CFAP54: variants seen among roughly 807,000 people sequenced by gnomAD.
The protein encoded by CFAP54 is cilia- and flagella-associated protein 54.
A neutral mutation model predicts 370.4 loss-of-function variants in CFAP54; 290 were observed. The observed-to-expected ratio is 0.78, with a 90% confidence interval of 0.71 to 0.86. The LOEUF (loss-of-function observed/expected upper bound fraction) is 0.86, where lower values mean the gene tolerates loss of function less well. Ranked by LOEUF, CFAP54 falls within the 40% of genes least tolerant of loss-of-function variation. The probability of loss-of-function intolerance (pLI) is 0.00; values close to 1 mark genes in which losing one functional copy is unlikely to be tolerated. For missense variants in CFAP54, 3,399 were observed against 3,528.7 expected (o/e 0.96, Z 0.93); for synonymous variants, 1,206 against 1,236.5 (o/e 0.98, Z 0.52).
intron 11 of CFAP54, among the ~76,000 whole-genome samples, chr12:96,534,901 A>C (rs2136381867): frequency 6.6e-6 from 1 of 152,000 alleles, no homozygotes; most frequent in East Asian, 1.9e-4. Flanking sequence ...TAATATTATA[A>C]GCCTCTTCAG....
intron 67 of CFAP54, among the ~76,000 whole-genome samples, chr12:96,863,421 G>A (rs1007831326): frequency 3.9e-5 from 6 of 152,062 alleles, no homozygotes; most frequent in Non-Finnish European, 5.9e-5. Context: ...TATTATAGAC[G>A]AGGAAACAAA....
intron 11 of CFAP54, 143 bp from the exon 12 acceptor site, chr12:96,535,372 T>A: frequency 1.6e-6 from 1 of 618,812 alleles, no homozygotes; most frequent in Non-Finnish European, 2.9e-6. Flanking sequence ...CATATAGAAG[T>A]ATTTAACTTG....
chr12:96,547,901 G>A lies in CFAP54; in HGVS notation c.2078-1G>A. The A allele has an allele frequency of 1.4e-6, 2 of 1,455,152 alleles. No individual in the cohort carries two copies. Among genetic ancestry groups the A allele is most frequent in the Non-Finnish European group, 1.8e-6 (2 of 1,094,656 alleles). 90.1% of individuals were successfully genotyped at this position (1,455,152 alleles called of 1,614,324 possible). Reference sequence around the variant, plus strand: ...CCCTTCCTCCTTCCTTTCTTTTCCAGATGTACCTTTAAGAGAAGGGACTAA... The same window carrying A: ...CCCTTCCTCCTTCCTTTCTTTTCCAAATGTACCTTTAAGAGAAGGGACTAA... On this transcript the variant is annotated splice_acceptor_variant, in intron 14 of 67. Coordinates refer to ENST00000524981, the MANE Select transcript of CFAP54 (RefSeq NM_001306084.2). LOFTEE classifies it high-confidence loss of function.
chr12:96,797,518 G>A (rs900523573), intron 63 of CFAP54, among the ~76,000 whole-genome samples: 4 of 151,970 alleles, frequency 2.6e-5, no homozygotes, highest in Non-Finnish European at 5.9e-5. Context: ...GTTCTTGGGT[G>A]CAATCAGATT....
intron 60 of CFAP54, among the ~76,000 whole-genome samples, chr12:96,771,183 C>T (rs1374713220): frequency 6.6e-6 from 1 of 152,142 alleles, no homozygotes; most frequent in African/African-American, 2.4e-5. Context: ...ACTGGGACTT[C>T]AGTACCAGAC....
At chr12:96,774,851 A>C (rs929505840) in intron 60 of CFAP54, among the ~76,000 whole-genome samples, 3 of 151,988 alleles carry the variant, frequency 2.0e-5, no homozygotes, top group African/African-American at 7.3e-5. Flanking sequence ...TTATCTTCTT[A>C]TTGTATTATA....
chr12:96,846,626 A>G (rs1959354900), intron 66 of CFAP54, among the ~76,000 whole-genome samples: 1 of 152,168 alleles, frequency 6.6e-6, no homozygotes, highest in African/African-American at 2.4e-5. Context: ...CTTTGGTCGT[A>G]TAGAATGGTT....
chr12:96,633,103 A>C (rs1956625648), intron 32 of CFAP54, among the ~76,000 whole-genome samples: 2 of 152,110 alleles, frequency 1.3e-5, no homozygotes, highest in African/African-American at 4.8e-5. Context: ...TTGTAGATAC[A>C]GTTTTTTTGT....
rs192364030 is a variant in CFAP54 at position 96,619,009 on chromosome 12, A to G, written c.3640-2581A>G. 3.3e-3 allele frequency among the ~76,000 whole-genome samples: 496 copies of G among 152,230 alleles called. 4 individuals are homozygous for G. Among genetic ancestry groups the G allele is most frequent in the African/African-American group, 0.011 (470 of 41,542 alleles). On this transcript the variant is annotated intron_variant, in intron 26 of 67. Transcript: ENST00000524981. The stretch of plus-strand genomic sequence containing the variant: ...CCTCTGAGTAGCTGGGACTACAGCC[A>G]TGTGTCACCACACCTGGCTAATTTT...
At chr12:96,533,358 G>T (rs1245011523) in intron 9 of CFAP54, among the ~76,000 whole-genome samples, 3 of 152,014 alleles carry the variant, frequency 2.0e-5, no homozygotes, top group Non-Finnish European at 4.4e-5. Flanking sequence ...TATTCCCTCT[G>T]CTCTTCTCTT....
intron 17 of CFAP54, among the ~76,000 whole-genome samples, chr12:96,557,704 GA>G (rs1955768422): frequency 6.6e-6 from 1 of 151,864 alleles, no homozygotes; most frequent in South Asian, 2.1e-4. Context: ...GATGGGGTCA[GA>G]AAAAAATAAA....
rs778940650 is a variant in CFAP54, at chr12:96,691,175, T to C, written c.6129T>C (p.Tyr2043=). ...TLPHPKAERC[Y]AQYEITQLLP... ...CACATCCCAAAGCTGAACGTTGCTA[T>C]GCTCAATATGAAATCACTCAGCTTC... Residue 2043 remains tyrosine, a synonymous_variant, in exon 44 of 68, where the codon TAT becomes TAC. Coordinates refer to ENST00000524981, the MANE Select transcript of CFAP54 (RefSeq NM_001306084.2). 8 of 1,613,722 alleles carry C rather than the reference T, an allele frequency of 5.0e-6. No individual in the cohort carries two copies. The highest frequency in any genetic ancestry group is 5.9e-6 in the Non-Finnish European group (7 of 1,179,782).
At chr12:96,789,848 G>A (rs1233958531) in intron 62 of CFAP54, among the ~76,000 whole-genome samples, 3 of 152,078 alleles carry the variant, frequency 2.0e-5, no homozygotes, top group African/African-American at 7.2e-5. Flanking sequence ...TCATGTGTTC[G>A]TTTCACTGGG....
chr12:96,868,009 C>T (rs905965950), intron 67 of CFAP54, among the ~76,000 whole-genome samples: 9 of 152,066 alleles, frequency 5.9e-5, no homozygotes, highest in Non-Finnish European at 1.3e-4. Flanking sequence ...CATGTTTGTA[C>T]ATGATAAATA....
At chr12:96,512,301 T>TTTTA (rs1473973322) in intron 4 of CFAP54, among the ~76,000 whole-genome samples, 58 of 31,128 alleles carry the variant, frequency 1.9e-3, no homozygotes, top group African/African-American at 5.3e-3. Context: ...GGAACCAATT[T>TTTTA]TATATATATA....
chr12:96,511,206 T>A (rs1565879668), intron 4 of CFAP54, among the ~76,000 whole-genome samples: 3 of 152,302 alleles, frequency 2.0e-5, no homozygotes, highest in Non-Finnish European at 2.9e-5. Flanking sequence ...AATTTAAATT[T>A]TATTCAATTT....
chr12:96,603,843 G>C (rs1401600291), intron 26 of CFAP54, among the ~76,000 whole-genome samples: 1 of 152,128 alleles, frequency 6.6e-6, no homozygotes, highest in Non-Finnish European at 1.5e-5. Context: ...GTTTATTCTA[G>C]TTAGCCGTTC....
intron 36 of CFAP54, among the ~76,000 whole-genome samples, chr12:96,654,425 C>A (rs1396520561): frequency 6.7e-6 from 1 of 149,276 alleles, no homozygotes; most frequent in Non-Finnish European, 1.5e-5. Flanking sequence ...GGCGTGAACC[C>A]GGGAGGCGGA....
At chr12:96,634,344 G>A (rs1036589881) in intron 32 of CFAP54, among the ~76,000 whole-genome samples, 3 of 151,976 alleles carry the variant, frequency 2.0e-5, no homozygotes, top group African/African-American at 7.2e-5. Flanking sequence ...GTGAGCCACC[G>A]TGCCCGGCCA....
Sources: allele counts gnomAD v4.1 joint callset (sites outside exome capture counted in the v4.1 genomes callset), GRCh38; gene constraint gnomAD v4.1.1; transcripts MANE v1.5; gene names NCBI Gene and HGNC (gene_info 2026-07-23, HGNC 2026-07-21).